The following ANO6 variants were observed in gnomAD, a reference collection of about 807,000 sequenced individuals.
ANO6 encodes the protein anoctamin 6.
Under a neutral mutation model 117.5 loss-of-function variants are expected in ANO6, and 106 were observed. The ratio of observed to expected loss-of-function variants is 0.90; its 90% CI spans 0.77 to 1.06. The LOEUF is 1.06. Ranked by LOEUF, ANO6 falls within the 50% of genes least tolerant of loss-of-function variation. The pLI, the probability that ANO6 is intolerant of heterozygous loss-of-function variation, is 0.00. For synonymous variants in ANO6, 367 were observed against 385.1 expected (o/e 0.95, Z 0.55); for missense variants, 955 against 1,121.1 (o/e 0.85, Z 2.12).
chr12:45,322,051 A>C lies in ANO6; in HGVS notation c.151-9244A>C, dbSNP rs118090507. Among the ~76,000 whole-genome samples the C allele has an allele frequency of 2.7e-3, 404 of 152,224 alleles. 13 individuals carry two copies. In the East Asian group the frequency reaches 0.067, roughly 25 times the overall value. The stretch of plus-strand genomic sequence containing the variant: ...TGCTAAGGTGCTGGCAGTTTTACCC[A>C]CCATGACTTTTGCACCATCATTGCA... On this transcript the variant is annotated intron_variant, in intron 2 of 19. Coordinates refer to ENST00000320560, the MANE Select transcript of ANO6 (RefSeq NM_001025356.3).
chr12:45,235,279 A>G (rs553366585), intron 1 of ANO6, among the ~76,000 whole-genome samples: 1 of 152,170 alleles, frequency 6.6e-6, no homozygotes, highest in Non-Finnish European at 1.5e-5. Context: ...TACTGGTGGT[A>G]TCTTAAATCT....
At chr12:45,277,779 T>C (rs886899209) in intron 1 of ANO6, among the ~76,000 whole-genome samples, 1 of 152,156 alleles carries the variant, frequency 6.6e-6, no homozygotes, top group Non-Finnish European at 1.5e-5. Flanking sequence ...GAAAAGTTCC[T>C]GCCATTCTGA....
At position 45,321,004 on chromosome 12, in the gene ANO6, A is replaced by T. The variant is rs141460643; in HGVS notation, c.151-10291A>T. ...TCCTCCATCCCTTTATTTTGAGCCTATGTGTGTCTCTGCACGTGAGATGGG... is the reference window on the plus strand; with the variant it reads ...TCCTCCATCCCTTTATTTTGAGCCTTTGTGTGTCTCTGCACGTGAGATGGG... On this transcript the variant is annotated intron_variant, in intron 2 of 19. Coordinates refer to ENST00000320560, the MANE Select transcript of ANO6 (RefSeq NM_001025356.3). Among the ~76,000 whole-genome samples the T allele has an allele frequency of 7.7e-3, 1,168 of 152,112 alleles. 14 individuals are homozygous for T. Among genetic ancestry groups the T allele is most frequent in the African/African-American group, 0.027 (1,125 of 41,488 alleles).
At chr12:45,434,207 C>T (rs1592062410), downstream of ANO6, among the ~76,000 whole-genome samples, 1 of 152,164 alleles carries the variant, frequency 6.6e-6, no homozygotes, top group South Asian at 2.1e-4. Context: ...TTCCTAATAC[C>T]GTTCAGGGTG....
chr12:45,407,047 T>C (rs1246977221), intron 15 of ANO6, among the ~76,000 whole-genome samples: 1 of 152,222 alleles, frequency 6.6e-6, no homozygotes, highest in Non-Finnish European at 1.5e-5. Context: ...TATATTTTTC[T>C]AAAAGTTCTG....
At chr12:45,266,597 G>C (rs1002456683) in intron 1 of ANO6, among the ~76,000 whole-genome samples, 2 of 152,032 alleles carry the variant, frequency 1.3e-5, no homozygotes, top group African/African-American at 2.4e-5. Context: ...AATATATGAG[G>C]CTTAGCCTGG....
chr12:45,401,709 C>A, intron 12 of ANO6, 86 bp from the exon 13 acceptor site: 1 of 1,085,116 alleles, frequency 9.2e-7, no homozygotes, highest in Non-Finnish European at 1.4e-6. Flanking sequence ...TTTACACACA[C>A]ACCTTGTTAA....
intron 2 of ANO6, among the ~76,000 whole-genome samples, chr12:45,303,879 C>T (rs1009356545): frequency 2.6e-5 from 4 of 152,156 alleles, no homozygotes; most frequent in Non-Finnish European, 5.9e-5. Flanking sequence ...TTCAGTCTCA[C>T]GCTTACAGAA....
intron 9 of ANO6, among the ~76,000 whole-genome samples, chr12:45,368,977 C>G (rs535504670): frequency 1.3e-4 from 20 of 152,322 alleles, no homozygotes; most frequent in African/African-American, 4.8e-4. Context: ...CGCCTAGTAA[C>G]TGGCAAAGTC....
At chr12:45,417,806 CAG>C (rs945359437) in intron 17 of ANO6, among the ~76,000 whole-genome samples, 1 of 152,170 alleles carries the variant, frequency 6.6e-6, no homozygotes, top group African/African-American at 2.4e-5. Context: ...GCCAAAACAA[CAG>C]AAGTTGGCAG....
chr12:45,315,898 T>C (rs1053132592), intron 2 of ANO6, among the ~76,000 whole-genome samples: 7 of 152,082 alleles, frequency 4.6e-5, no homozygotes. Context: ...GTATAAATTA[T>C]AGCTTCAATC....
intron 1 of ANO6, among the ~76,000 whole-genome samples, chr12:45,226,540 C>A (rs901994960): frequency 6.6e-6 from 1 of 152,002 alleles, no homozygotes; most frequent in Admixed American, 6.6e-5. Flanking sequence ...TTACAGAGTA[C>A]AATTATGCAA....
At chr12:45,369,512 A>T (rs1281990338) in intron 9 of ANO6, among the ~76,000 whole-genome samples, 1 of 152,210 alleles carries the variant, frequency 6.6e-6, no homozygotes, top group Non-Finnish European at 1.5e-5. Context: ...TTGAAAAAAA[A>T]AAATTGAATC....
chr12:45,270,532 C>G lies in ANO6; in HGVS notation c.71-31482C>G, dbSNP rs1303770691. On this transcript the variant is annotated intron_variant, in intron 1 of 19. Coordinates refer to ENST00000320560, the MANE Select transcript of ANO6 (RefSeq NM_001025356.3). ...ACCTCCCATCCAGCCTGGGTAAGAT[C>G]CCCTTCCTTTGTATTTGAACAGCAT... is the stretch of plus-strand genomic sequence containing the variant. 3 of 1,027,438 alleles carry G rather than the reference C, an allele frequency of 2.9e-6. No homozygotes were observed. The Admixed American group carries it at 7.0e-5, about 24-fold the overall frequency. The allele number at this position is 1,027,438 out of a possible 1,614,324, so 63.6% of individuals were successfully genotyped here.
rs553787251 is a variant in ANO6 at position 45,390,405 on chromosome 12, T to C, written c.1309-16T>C. Reference sequence around the variant, plus strand: ...TAATCCCTTGATTGACTAAACTTTTTTGTTTTTGTAATTAGGAAGAAGAAC... The same window carrying C: ...TAATCCCTTGATTGACTAAACTTTTCTGTTTTTGTAATTAGGAAGAAGAAC... On this transcript the variant is annotated splice_polypyrimidine_tract_variant and intron_variant, in intron 11 of 19. Coordinates refer to ENST00000320560, the MANE Select transcript of ANO6 (RefSeq NM_001025356.3). 2 of 1,607,754 alleles carry C rather than the reference T, an allele frequency of 1.2e-6. No individual in the cohort carries two copies. The highest frequency in any genetic ancestry group is 2.2e-5 in the South Asian group (2 of 90,850).
chr12:45,411,527 T>C (rs1469011851), intron 16 of ANO6, among the ~76,000 whole-genome samples: 1 of 152,230 alleles, frequency 6.6e-6, no homozygotes, highest in East Asian at 1.9e-4. Flanking sequence ...ATTGTTTTCA[T>C]TTCCCTAGAA....
intron 3 of ANO6, 28 bp downstream of exon 3, chr12:45,331,451 TTTTA>T: frequency 6.4e-7 from 1 of 1,573,428 alleles, no homozygotes; most frequent in Non-Finnish European, 8.7e-7. Flanking sequence ...TTTCCTTTCT[TTTTA>T]TTTCTTATAT....
chr12:45,276,897 C>T (rs964505705), intron 1 of ANO6, among the ~76,000 whole-genome samples: 1 of 152,138 alleles, frequency 6.6e-6, no homozygotes. Flanking sequence ...AGAATGTTTA[C>T]ATAACTCAAA....
At chr12:45,218,587 A>T (rs774663021) in intron 1 of ANO6, among the ~76,000 whole-genome samples, 2 of 151,868 alleles carry the variant, frequency 1.3e-5, no homozygotes, top group African/African-American at 2.4e-5. Context: ...TACAAATTTA[A>T]TGTGGGTTGT....
Sources: gnomAD v4.1 joint callset for allele counts (sites outside exome capture counted in the v4.1 genomes callset) on GRCh38, gnomAD v4.1.1 for gene constraint, MANE v1.5 for transcripts, NCBI Gene and HGNC (gene_info 2026-07-23, HGNC 2026-07-21) for gene names.